RBMS3: variants seen among roughly 807,000 people sequenced by gnomAD.
The protein encoded by RBMS3 is RNA binding motif single stranded interacting protein 3, also known as RNA-binding motif, single-stranded-interacting protein 3.
In RBMS3, 27 loss-of-function variants were observed where a neutral mutation model predicts 66.8. The observed-to-expected ratio is 0.40, with a 90% CI of 0.30 to 0.56. The LOEUF (loss-of-function observed/expected upper bound fraction) is 0.56. Among genes scored for constraint, RBMS3 ranks in the 20% least tolerant of loss-of-function variants. RBMS3 has a pLI of 0.40. For missense variants in RBMS3, 513 were observed against 549.5 expected, an observed-to-expected ratio of 0.93 and a Z score of 0.66; for synonymous variants, 188 against 183.0, an observed-to-expected ratio of 1.03 and a Z score of -0.22.
At chr3:29,507,769 C>T (rs2044240545) in intron 3 of RBMS3, among the ~76,000 whole-genome samples, 1 of 151,996 alleles carries the variant, frequency 6.6e-6, no homozygotes, top group Admixed American at 6.6e-5. Flanking sequence ...CATGATCTGA[C>T]CACAATTCTC....
At chr3:29,364,262 T>TTA (rs1354635689) in intron 1 of RBMS3, among the ~76,000 whole-genome samples, 18 of 152,304 alleles carry the variant, frequency 1.2e-4, no homozygotes, top group African/African-American at 4.3e-4. Flanking sequence ...GAGTATATAT[T>TTA]TATAAACATT....
intron 1 of RBMS3, among the ~76,000 whole-genome samples, chr3:29,335,669 C>T (rs765310279): frequency 4.6e-5 from 7 of 152,142 alleles, no homozygotes; most frequent in African/African-American, 7.2e-5. Flanking sequence ...GCCCAGTGTA[C>T]GGCGTCTGTC....
intron 6 of RBMS3, among the ~76,000 whole-genome samples, chr3:29,822,032 T>C (rs561758453): frequency 6.6e-6 from 1 of 152,330 alleles, no homozygotes; most frequent in Non-Finnish European, 1.5e-5. Flanking sequence ...GGGTCATTAC[T>C]TCAAACTCAA....
At position 30,008,763 on chromosome 3, in the gene RBMS3, T is replaced by A. The variant is rs1699875798; in HGVS notation, c.*4901T>A. On this transcript the variant is annotated 3_prime_UTR_variant, in exon 15 of 15. Transcript: ENST00000383767. ...AGTTGGGTCTGACTCAAGTTTAACA[T>A]TTCTTACCAAACATTCTTAAGTATG... is the stretch of plus-strand genomic sequence containing the variant. 1 of 152,148 alleles carries A rather than the reference T, an allele frequency of 6.6e-6. No homozygotes were observed. The highest frequency in any genetic ancestry group is 1.5e-5 in the Non-Finnish European group (1 of 67,998). The allele number at this position is 152,148 out of a possible 1,614,324, so 9.4% of individuals were successfully genotyped here.
At chr3:29,862,832 C>T (rs1309411654) in intron 6 of RBMS3, among the ~76,000 whole-genome samples, 1 of 132,272 alleles carries the variant, frequency 7.6e-6, no homozygotes, top group Non-Finnish European at 1.6e-5. Context: ...GCCTGGGAGA[C>T]AGAGCAAGTC....
At chr3:29,991,265 T>G in intron 14 of RBMS3, 56 bp downstream of exon 14, 1 of 1,611,464 alleles carries the variant, frequency 6.2e-7, no homozygotes, top group African/African-American at 1.3e-5. Flanking sequence ...TTGACATCAC[T>G]CTCTCATGTT....
At chr3:29,662,551 C>T (rs753714557) in intron 4 of RBMS3, among the ~76,000 whole-genome samples, 12 of 152,188 alleles carry the variant, frequency 7.9e-5, no homozygotes, top group Non-Finnish European at 1.0e-4. Flanking sequence ...CAGAGCCAAC[C>T]TGTTAACAAA....
intron 5 of RBMS3, among the ~76,000 whole-genome samples, chr3:29,756,186 C>T (rs373646949): frequency 3.9e-5 from 6 of 152,116 alleles, no homozygotes; most frequent in Non-Finnish European, 5.9e-5. Flanking sequence ...TTTTGCATAT[C>T]GATTCTCTAA....
intron 2 of RBMS3, among the ~76,000 whole-genome samples, chr3:29,445,064 A>T (rs1478734987): frequency 1.3e-5 from 2 of 151,700 alleles, no homozygotes; most frequent in Non-Finnish European, 2.9e-5. Flanking sequence ...TACCCCTAGT[A>T]CCTAGTACAC....
intron 14 of RBMS3, among the ~76,000 whole-genome samples, chr3:29,995,618 T>A (rs1463109445): frequency 6.6e-6 from 1 of 151,618 alleles, no homozygotes; most frequent in African/African-American, 2.4e-5. Flanking sequence ...ATATTCAACA[T>A]TCTTAAAGAA....
Position 29,427,506 on chromosome 3 carries a change from C to T in RBMS3, c.76-7237C>T, listed in dbSNP as rs924755455. 2.6e-5 allele frequency among the ~76,000 whole-genome samples: 4 copies of T among 152,234 alleles called. No individual in the cohort carries two copies. In the East Asian group the frequency reaches 7.7e-4, roughly 29 times the overall value. On this transcript the variant is annotated intron_variant, in intron 1 of 14. Coordinates refer to ENST00000383767, the MANE Select transcript of RBMS3 (RefSeq NM_001003793.3). ...AAGAATAAAGGTTATGTGGAAATTA[C>T]ACTATCAAGGAGATGAATCCAACAG...
At chr3:29,784,344 C>A (rs1189664435) in intron 6 of RBMS3, among the ~76,000 whole-genome samples, 3 of 152,094 alleles carry the variant, frequency 2.0e-5, no homozygotes, top group African/African-American at 7.2e-5. Flanking sequence ...TTCTCTCAGA[C>A]CACAGTGGAA....
At chr3:29,702,733 C>T (rs774629339) in intron 4 of RBMS3, among the ~76,000 whole-genome samples, 5 of 152,168 alleles carry the variant, frequency 3.3e-5, no homozygotes, top group Non-Finnish European at 5.9e-5. Flanking sequence ...GTAACACTCA[C>T]CGTGAAGGTC....
chr3:29,473,770 C>T (rs2042845552), intron 2 of RBMS3, among the ~76,000 whole-genome samples: 1 of 152,218 alleles, frequency 6.6e-6, no homozygotes. Context: ...TTGCCCGGGG[C>T]CGGCAGGGCC....
At chr3:29,649,861 A>G (rs996719125) in intron 4 of RBMS3, among the ~76,000 whole-genome samples, 32 of 152,214 alleles carry the variant, frequency 2.1e-4, no homozygotes, top group South Asian at 6.2e-4. Context: ...GTCTCTCATC[A>G]TACTATAATT....
chr3:29,559,510 C>CAA lies in RBMS3; in HGVS notation c.308-27562_308-27561dup, dbSNP rs553520590. ...TGGGTGACAGAGGAAGACTCTGTCT[C>CAA]AAAAAAAAAAAAAAAAAAAAAAAAA... On this transcript the variant is annotated intron_variant, in intron 3 of 14. Coordinates refer to ENST00000383767, the MANE Select transcript of RBMS3 (RefSeq NM_001003793.3). Among the ~76,000 whole-genome samples the CAA allele has an allele frequency of 9.3e-3, 385 of 41,326 alleles. 76 individuals carry two copies. The highest frequency in any genetic ancestry group is 0.012 in the Non-Finnish European group (218 of 18,364). 27.1% of individuals were successfully genotyped at this position (41,326 alleles called of 152,430 possible).
At chr3:29,370,767 C>T (rs2038156765) in intron 1 of RBMS3, among the ~76,000 whole-genome samples, 1 of 152,136 alleles carries the variant, frequency 6.6e-6, no homozygotes, top group East Asian at 1.9e-4. Flanking sequence ...CAGAGGCATA[C>T]AAGAAACAAT....
At chr3:29,809,411 T>C (rs1458520487) in intron 6 of RBMS3, among the ~76,000 whole-genome samples, 1 of 151,882 alleles carries the variant, frequency 6.6e-6, no homozygotes, top group African/African-American at 2.4e-5. Context: ...ACCCTTTATG[T>C]GTGTGCATGT....
chr3:29,383,817 C>T (rs891303103), intron 1 of RBMS3, among the ~76,000 whole-genome samples: 5 of 151,994 alleles, frequency 3.3e-5, no homozygotes, highest in African/African-American at 7.3e-5. Context: ...TTTCAGTGAC[C>T]GTAAGTTTTC....
Sources: allele counts gnomAD v4.1 joint callset (sites outside exome capture counted in the v4.1 genomes callset), GRCh38; gene constraint gnomAD v4.1.1; transcripts MANE v1.5; gene names NCBI Gene and HGNC (gene_info 2026-07-23, HGNC 2026-07-21).